The following ZBTB20 variants were observed in gnomAD, a reference collection of about 807,000 sequenced individuals.
ZBTB20 encodes the protein zinc finger and BTB domain containing 20, also known as zinc finger and BTB domain-containing protein 20.
Under a neutral mutation model 56.9 loss-of-function variants are expected in ZBTB20, and 9 were observed. The ratio of observed to expected loss-of-function variants is 0.16; its 90% CI spans 0.10 to 0.28. The LOEUF is 0.28. Ranked by LOEUF, ZBTB20 falls within the 10% of genes least tolerant of loss-of-function variation. The pLI is 1.00. For synonymous variants in ZBTB20, 417 were observed against 420.7 expected, an observed-to-expected ratio of 0.99 and a Z score of 0.11; for missense variants, 655 against 1,003.0, an observed-to-expected ratio of 0.65 and a Z score of 4.69.
intron 3 of ZBTB20, among the ~76,000 whole-genome samples, chr3:114,942,236 A>G (rs779751673): frequency 1.4e-5 from 2 of 145,788 alleles, no homozygotes; most frequent in Admixed American, 6.6e-5. Flanking sequence ...CCTTTGTATC[A>G]GGGATAACCA....
intron 4 of ZBTB20, among the ~76,000 whole-genome samples, chr3:114,837,748 C>T (rs913105385): frequency 1.3e-5 from 2 of 152,040 alleles, no homozygotes; most frequent in Non-Finnish European, 2.9e-5. Flanking sequence ...AAAAATGAGT[C>T]ACTAAGTCCA....
chr3:115,129,651 T>G (rs2084443276), intron 1 of ZBTB20, among the ~76,000 whole-genome samples: 1 of 152,206 alleles, frequency 6.6e-6, no homozygotes, highest in Admixed American at 6.5e-5. Context: ...AAAGCTGTAT[T>G]TAGCTGTCTG....
intron 5 of ZBTB20, among the ~76,000 whole-genome samples, chr3:114,709,699 A>G (rs2063936348): frequency 6.6e-6 from 1 of 152,170 alleles, no homozygotes; most frequent in African/African-American, 2.4e-5. Context: ...ATCTTCATTG[A>G]AAGCTCCAAA....
intron 3 of ZBTB20, among the ~76,000 whole-genome samples, chr3:114,921,780 G>A (rs1199259289): frequency 6.6e-6 from 1 of 151,518 alleles, no homozygotes; most frequent in East Asian, 1.9e-4. Flanking sequence ...GAGTTAATGG[G>A]TGCAGCACAC....
At chr3:114,671,624 G>C (rs1392249292) in intron 6 of ZBTB20, among the ~76,000 whole-genome samples, 3 of 151,286 alleles carry the variant, frequency 2.0e-5, no homozygotes, top group Non-Finnish European at 2.9e-5. Flanking sequence ...CTGTTAAAAG[G>C]TTATTAGACC....
intron 1 of ZBTB20, among the ~76,000 whole-genome samples, chr3:115,115,392 C>A (rs989652644): frequency 1.3e-5 from 2 of 152,080 alleles, no homozygotes; most frequent in Non-Finnish European, 2.9e-5. Flanking sequence ...TAGCCACAAT[C>A]TTCTCCAGTG....
intron 5 of ZBTB20, among the ~76,000 whole-genome samples, chr3:114,712,892 C>T (rs954071005): frequency 6.6e-6 from 1 of 152,072 alleles, no homozygotes; most frequent in Non-Finnish European, 1.5e-5. Flanking sequence ...TGAGCTTTTC[C>T]GTGTTCAAAC....
At chr3:115,079,379 C>CTAATTTAT (rs1560554330) in intron 1 of ZBTB20, among the ~76,000 whole-genome samples, 1 of 149,458 alleles carries the variant, frequency 6.7e-6, no homozygotes, top group East Asian at 2.0e-4. Flanking sequence ...TCAAGTCTTT[C>CTAATTTAT]TTATTTATTT....
At chr3:114,925,204 G>A (rs1335273728) in intron 3 of ZBTB20, among the ~76,000 whole-genome samples, 2 of 151,488 alleles carry the variant, frequency 1.3e-5, no homozygotes, top group East Asian at 1.9e-4. Flanking sequence ...GGATGGTCTC[G>A]ATCTCTTGAC....
intron 4 of ZBTB20, among the ~76,000 whole-genome samples, chr3:114,894,761 A>G (rs931709885): frequency 2.0e-5 from 3 of 152,172 alleles, no homozygotes; most frequent in Non-Finnish European, 4.4e-5. Context: ...AACCTGGCTA[A>G]TAAACCTTGA....
intron 4 of ZBTB20, among the ~76,000 whole-genome samples, chr3:114,882,318 T>A (rs1180095452): frequency 1.3e-5 from 2 of 152,028 alleles, no homozygotes; most frequent in East Asian, 3.8e-4. Flanking sequence ...GATGAGGCTG[T>A]GAGAAAGCAG....
At chr3:114,396,243 CAGTG>C (rs1362431520) in intron 7 of ZBTB20, among the ~76,000 whole-genome samples, 1 of 152,140 alleles carries the variant, frequency 6.6e-6, no homozygotes, top group Non-Finnish European at 1.5e-5. Context: ...TTACCTCTTA[CAGTG>C]AGTATGTGTT....
chr3:114,727,693 G>T (rs1294298593), intron 5 of ZBTB20, among the ~76,000 whole-genome samples: 2 of 152,188 alleles, frequency 1.3e-5, no homozygotes, highest in Non-Finnish European at 2.9e-5. Flanking sequence ...TGTGTTTGAA[G>T]ATTCATGTAG....
intron 2 of ZBTB20, among the ~76,000 whole-genome samples, chr3:115,034,269 C>T: frequency 6.6e-6 from 1 of 151,448 alleles, no homozygotes; most frequent in Non-Finnish European, 1.5e-5. Flanking sequence ...GCACCCAAAT[C>T]AGAAAGAAAT....
chr3:115,086,459 CAATT>C (rs1051682485), intron 1 of ZBTB20, among the ~76,000 whole-genome samples: 7 of 151,720 alleles, frequency 4.6e-5, no homozygotes, highest in Non-Finnish European at 8.8e-5. Flanking sequence ...TATATTCTAA[CAATT>C]AGCCTGCATG....
chr3:115,076,626 T>A (rs559472885), intron 1 of ZBTB20, among the ~76,000 whole-genome samples: 7 of 152,102 alleles, frequency 4.6e-5, no homozygotes, highest in Non-Finnish European at 5.9e-5. Flanking sequence ...TTCATAACAT[T>A]CATCATAGTA....
At position 114,322,723 on chromosome 3, in the gene ZBTB20, C is replaced by T. The variant is rs1204130912; in HGVS notation, c.*16282G>A. On this transcript the variant is annotated 3_prime_UTR_variant, in exon 12 of 12. Coordinates refer to ENST00000675478, the MANE Select transcript of ZBTB20 (RefSeq NM_001348800.3). ...TTTCTTACTTAAAACAGAGATAATGCTTTGAGTGCTTAAGGAATTTCTTAT... is the reference window on the plus strand; with the variant it reads ...TTTCTTACTTAAAACAGAGATAATGTTTTGAGTGCTTAAGGAATTTCTTAT... 6.6e-6 allele frequency: 1 copy of T among 152,140 alleles called. No individual in the cohort carries two copies. Among genetic ancestry groups the T allele is most frequent in the African/African-American group, 2.4e-5 (1 of 41,426 alleles). The allele number at this position is 152,140 out of a possible 1,614,324, so 9.4% of individuals were successfully genotyped here. A position where few individuals can be genotyped will look rare whatever the true frequency, so the allele number is the denominator to read the frequency against.
chr3:114,501,706 CT>C (rs1292454526), intron 6 of ZBTB20, among the ~76,000 whole-genome samples: 5 of 122,008 alleles, frequency 4.1e-5, no homozygotes, highest in African/African-American at 1.5e-4. Flanking sequence ...GTTTTTTTTT[CT>C]TTCTTTTTTT....
intron 4 of ZBTB20, among the ~76,000 whole-genome samples, chr3:114,876,075 A>T (rs752915680): frequency 1.1e-4 from 16 of 150,772 alleles, no homozygotes; most frequent in South Asian, 6.3e-4. Flanking sequence ...TCTCTACAAA[A>T]TTTTTTTTAA....
Sources: gnomAD v4.1 joint callset for allele counts (sites outside exome capture counted in the v4.1 genomes callset) on GRCh38, gnomAD v4.1.1 for gene constraint, MANE v1.5 for transcripts, NCBI Gene and HGNC (gene_info 2026-07-23, HGNC 2026-07-21) for gene names.